Variants in NEK11 observed in about 807,000 individuals in gnomAD.
NEK11 encodes NIMA related kinase 11.
NEK11 carries 72 observed loss-of-function variants against 80.7 expected under a neutral mutation model. The observed-to-expected ratio is 0.89, with a 90% confidence interval of 0.74 to 1.08. NEK11 has a LOEUF of 1.08. Ranked by LOEUF, NEK11 falls within the 50% of genes least tolerant of loss-of-function variation. The probability of loss-of-function intolerance (pLI) is 0.00; values close to 1 mark genes in which losing one functional copy is unlikely to be tolerated. For missense variants in NEK11, 764 were observed against 763.6 expected (o/e 1.00, Z -0.01); for synonymous variants, 251 against 260.7 (o/e 0.96, Z 0.36).
intron 3 of NEK11, among the ~76,000 whole-genome samples, chr3:131,030,354 C>T (rs1355587707): frequency 1.3e-5 from 2 of 152,182 alleles, no homozygotes; most frequent in Middle Eastern, 3.4e-3. Flanking sequence ...GGCATTTCAG[C>T]AGGTGAATAA....
At chr3:131,109,681 G>A (rs2079762818) in intron 4 of NEK11, 122 bp from the exon 5 acceptor site, 2 of 982,834 alleles carry the variant, frequency 2.0e-6, no homozygotes, top group East Asian at 5.6e-5. Context: ...ATCTTTGTCA[G>A]TGATAATTAC....
At chr3:131,034,667 G>C (rs1012146404) in intron 3 of NEK11, among the ~76,000 whole-genome samples, 1 of 152,198 alleles carries the variant, frequency 6.6e-6, no homozygotes, top group Non-Finnish European at 1.5e-5. Flanking sequence ...GATTACAGGC[G>C]TGAGCCACCG....
chr3:131,228,745 T>C, intron 15 of NEK11, 57 bp downstream of exon 15: 2 of 1,515,208 alleles, frequency 1.3e-6, no homozygotes, highest in Non-Finnish European at 1.8e-6. Context: ...GATTGGACTC[T>C]CCCAGAGAAG....
At chr3:131,319,832 G>T (rs1164820498) in intron 17 of NEK11, among the ~76,000 whole-genome samples, 1 of 151,936 alleles carries the variant, frequency 6.6e-6, no homozygotes, top group Non-Finnish European at 1.5e-5. Context: ...TACAAAGATG[G>T]TTATCTAGCC....
chr3:131,220,339 AT>A (rs1270412783), intron 14 of NEK11, among the ~76,000 whole-genome samples: 1 of 150,484 alleles, frequency 6.6e-6, no homozygotes, highest in African/African-American at 2.4e-5. Flanking sequence ...TAATATTTTT[AT>A]TTTTAATGTT....
At chr3:131,210,948 T>A (rs1198132525) in intron 14 of NEK11, among the ~76,000 whole-genome samples, 1 of 152,262 alleles carries the variant, frequency 6.6e-6, no homozygotes, top group Non-Finnish European at 1.5e-5. Flanking sequence ...CTGTGTCTTT[T>A]AATTGGGGCA....
At chr3:131,218,857 G>T (rs1221794068) in intron 14 of NEK11, among the ~76,000 whole-genome samples, 3 of 152,164 alleles carry the variant, frequency 2.0e-5, no homozygotes, top group Non-Finnish European at 4.4e-5. Flanking sequence ...CTTCTTTTGA[G>T]AAGAGTCTGT....
At chr3:131,086,904 A>G (rs891476123) in intron 4 of NEK11, among the ~76,000 whole-genome samples, 8 of 152,208 alleles carry the variant, frequency 5.3e-5, no homozygotes, top group Admixed American at 4.6e-4. Flanking sequence ...GGAAGTGTGT[A>G]GACTTTGGCA....
chr3:131,038,675 A>G (rs1174921441), intron 3 of NEK11, among the ~76,000 whole-genome samples: 1 of 152,236 alleles, frequency 6.6e-6, no homozygotes, highest in African/African-American at 2.4e-5. Flanking sequence ...TCTTCTTAAA[A>G]ATAATTCTTT....
At chr3:131,202,386 C>T (rs1300561775) in intron 14 of NEK11, among the ~76,000 whole-genome samples, 1 of 152,108 alleles carries the variant, frequency 6.6e-6, no homozygotes, top group Non-Finnish European at 1.5e-5. Flanking sequence ...CGGGACACTG[C>T]CACCTAAACA....
chr3:131,259,846 T>G (rs2095881508), intron 16 of NEK11, among the ~76,000 whole-genome samples: 1 of 152,158 alleles, frequency 6.6e-6, no homozygotes, highest in African/African-American at 2.4e-5. Flanking sequence ...GGGTAGCAAG[T>G]TCTTCCTTCA....
chr3:131,048,363 C>T (rs1335190845), intron 3 of NEK11, among the ~76,000 whole-genome samples: 1 of 152,232 alleles, frequency 6.6e-6, no homozygotes, highest in Non-Finnish European at 1.5e-5. Context: ...AAGTTTCCTT[C>T]TCCCTGTGGT....
At chr3:131,331,681 G>A (rs1156570715) in intron 17 of NEK11, among the ~76,000 whole-genome samples, 7 of 152,198 alleles carry the variant, frequency 4.6e-5, no homozygotes, top group South Asian at 2.1e-4. Context: ...CTCGGGAAGC[G>A]CAAGGGGTCA....
At chr3:131,087,685 G>A (rs999279832) in intron 4 of NEK11, among the ~76,000 whole-genome samples, 2 of 152,162 alleles carry the variant, frequency 1.3e-5, no homozygotes, top group Admixed American at 1.3e-4. Flanking sequence ...AAGTAAGCGG[G>A]TTGAGTTTTG....
At chr3:131,142,341 A>T (rs2087113661) in intron 7 of NEK11, among the ~76,000 whole-genome samples, 1 of 152,210 alleles carries the variant, frequency 6.6e-6, no homozygotes, top group Non-Finnish European at 1.5e-5. Flanking sequence ...GAAAACTGAC[A>T]GTAGGGAGAA....
At chr3:131,283,815 T>C (rs2096435188) in intron 17 of NEK11, among the ~76,000 whole-genome samples, 1 of 152,132 alleles carries the variant, frequency 6.6e-6, no homozygotes, top group African/African-American at 2.4e-5. Flanking sequence ...CAACAAAAGT[T>C]TGTACGTAAC....
chr3:131,104,831 CG>C (rs928819511), intron 4 of NEK11, among the ~76,000 whole-genome samples: 1 of 152,066 alleles, frequency 6.6e-6, no homozygotes, highest in Non-Finnish European at 1.5e-5. Context: ...CCAGGGGAGC[CG>C]GGGGCCTCTC....
chr3:131,124,892 T>C (rs1396084241), intron 5 of NEK11, among the ~76,000 whole-genome samples: 1 of 152,152 alleles, frequency 6.6e-6, no homozygotes, highest in Non-Finnish European at 1.5e-5. Flanking sequence ...CTATACAACA[T>C]TGGGCAAGTT....
chr3:131,058,313 C>T (rs2070047412), intron 3 of NEK11, among the ~76,000 whole-genome samples: 1 of 152,166 alleles, frequency 6.6e-6, no homozygotes, highest in Non-Finnish European at 1.5e-5. Flanking sequence ...AGTTTGAAGT[C>T]AGGTAGCATG....
Sources: gnomAD v4.1 joint callset for allele counts (sites outside exome capture counted in the v4.1 genomes callset) on GRCh38, gnomAD v4.1.1 for gene constraint, MANE v1.5 for transcripts, NCBI Gene and HGNC (gene_info 2026-07-23, HGNC 2026-07-21) for gene names.